The following SERPINB3 variants were observed in gnomAD, a reference collection of about 807,000 sequenced individuals.
SERPINB3 encodes the protein serpin B3.
In SERPINB3, 33 loss-of-function variants were observed where a neutral mutation model predicts 33.0. The ratio of observed to expected loss-of-function variants is 1.00; its 90% CI spans 0.76 to 1.34. SERPINB3 has a LOEUF of 1.34. Among genes scored for constraint, SERPINB3 ranks in the 40% most tolerant of loss-of-function variants. SERPINB3 has a pLI of 0.00. For missense variants in SERPINB3, 518 were observed against 461.5 expected (o/e 1.12, Z -1.12); for synonymous variants, 200 against 170.9 (o/e 1.17, Z -1.33).
At position 63,661,243 on chromosome 18, in the gene SERPINB3, C is replaced by A; in HGVS notation, c.-26-1G>T. ...GTGAACTCGATGTGATCTGGAACTC[C>A]TGGAAAAGCATCAGATTCCTGTCAG... On this transcript the variant is annotated splice_acceptor_variant, in intron 1 of 7. Coordinates refer to ENST00000283752, the MANE Select transcript of SERPINB3 (RefSeq NM_006919.3). LOFTEE classifies it low-confidence loss of function (5UTR_SPLICE). 6.2e-7 allele frequency: 1 copy of A among 1,603,304 alleles called. No homozygotes were observed. The highest frequency in any genetic ancestry group is 1.1e-5 in the South Asian group (1 of 88,808).
At chr18:63,661,333 G>A in intron 1 of SERPINB3, 91 bp from the exon 2 acceptor site, 2 of 1,382,526 alleles carry the variant, frequency 1.4e-6, no homozygotes, top group Non-Finnish European at 2.0e-6. Flanking sequence ...ATATATCTGT[G>A]TTGTGAGATT....
At position 63,655,922 on chromosome 18, in the gene SERPINB3, C is replaced by T. The variant is rs1279803915; in HGVS notation, c.908G>A (p.Gly303Glu). ...ATCCCCATTGAAGATATCCACCATT[C>T]CCATGGTTCTCAACGTGTCCTTGAG... ...YDLKDTLRTM[G>E]MVDIFNGDAD... is the part of the protein sequence containing the mutation. Residue 303 changes from glycine (G) to glutamate (E), a missense_variant, in exon 8 of 8, where the codon GGA becomes GAA. Gly to Glu is a moderately conservative substitution (Grantham distance 98). Coordinates refer to ENST00000283752, the MANE Select transcript of SERPINB3 (RefSeq NM_006919.3). 6.2e-6 allele frequency: 10 copies of T among 1,613,966 alleles called. No homozygotes were observed. Among genetic ancestry groups the T allele is most frequent in the Non-Finnish European group, 8.5e-6 (10 of 1,179,924 alleles).
Position 63,655,991 on chromosome 18 carries a change from A to G in SERPINB3, c.839T>C (p.Val280Ala), listed in dbSNP as rs748705325. The G allele has an allele frequency of 6.2e-7, 1 of 1,613,952 alleles. No individual in the cohort carries two copies. Among genetic ancestry groups the G allele is most frequent in the Non-Finnish European group, 8.5e-7 (1 of 1,179,936 alleles). ...TTTGAACCGAGGTAAGTGTAAATCG[A>G]CACGTGTCTCTCTCATATTCTGCAA... is the stretch of plus-strand genomic sequence containing the variant. ...TSLQNMRETR[V>A]DLHLPRFKVE... Residue 280 changes from valine to alanine, a missense_variant, in exon 8 of 8, where the codon GTC (valine) becomes GCC (alanine). Val to Ala is a moderately conservative substitution (Grantham distance 64). Coordinates refer to ENST00000283752, the MANE Select transcript of SERPINB3 (RefSeq NM_006919.3).
intron 7 of SERPINB3, among the ~76,000 whole-genome samples, chr18:63,656,384 T>G (rs1196556051): frequency 6.6e-6 from 1 of 152,204 alleles, no homozygotes; most frequent in Non-Finnish European, 1.5e-5. Context: ...ATATCACTAT[T>G]TCTTGTGCCA....
chr18:63,657,583 T>C (rs555203717), intron 5 of SERPINB3, among the ~76,000 whole-genome samples, 171 bp from the exon 6 acceptor site: 1 of 152,276 alleles, frequency 6.6e-6, no homozygotes, highest in South Asian at 2.1e-4. Context: ...GTTCACCAGA[T>C]GCAGCTTTCT....
Position 63,656,955 on chromosome 18 carries a change from T to C in SERPINB3, c.644A>G (p.Gln215Arg), listed in dbSNP as rs769060548. The C allele has an allele frequency of 6.2e-7, 1 of 1,612,950 alleles. No homozygotes were observed. The highest frequency in any genetic ancestry group is 8.5e-7 in the Non-Finnish European group (1 of 1,179,258). Residue 215 changes from glutamine (Q) to arginine (R), a missense_variant, in exon 7 of 8, where the codon CAA becomes CGA. Coordinates refer to ENST00000283752, the MANE Select transcript of SERPINB3 (RefSeq NM_006919.3). Reference protein sequence around the residue: ...NTYKSIQMMRQYTSFHFASLE... With the variant: ...NTYKSIQMMRRYTSFHFASLE... ...CGAGGCAAAATGAAAAGATGTGTAT[T>C]GCCTCATCATCTGTATGGACTTGTA...
chr18:63,659,652 C>T, intron 3 of SERPINB3, 125 bp from the exon 4 acceptor site: 1 of 1,298,424 alleles, frequency 7.7e-7, no homozygotes, highest in Non-Finnish European at 1.1e-6. Flanking sequence ...AGCTTATTCC[C>T]TGATACTTGG....
chr18:63,661,211 A>G lies in SERPINB3; in HGVS notation c.6T>C (p.Asn2=). 13 of 1,613,266 alleles carry G rather than the reference A, an allele frequency of 8.1e-6. No homozygotes were observed. The highest frequency in any genetic ancestry group is 1.1e-5 in the Non-Finnish European group (13 of 1,179,428). The part of the protein sequence containing the change: M[N]SLSEANTKFM... Reference sequence around the variant, plus strand: ...ACTTGGTGTTGGCTTCACTGAGTGAATTCATGGTGAACTCGATGTGATCTG... The same window carrying G: ...ACTTGGTGTTGGCTTCACTGAGTGAGTTCATGGTGAACTCGATGTGATCTG... The change falls in exon 2 of 8, where the codon AAT becomes AAC. Residue 2 remains asparagine (N), a synonymous_variant. Coordinates refer to ENST00000283752, the MANE Select transcript of SERPINB3 (RefSeq NM_006919.3).
rs774018461 is a variant in SERPINB3, at chr18:63,655,748, T to G, written c.1082A>C (p.Glu361Ala). 8.1e-6 allele frequency: 13 copies of G among 1,613,708 alleles called. No homozygotes were observed. The African/African-American group carries it at 1.7e-4, about 22-fold the overall frequency. ...GAAAGGGTGATTACAATGGAACTCT[T>G]CATTAGTTGAAGTAGGTGATGATCC... is the stretch of plus-strand genomic sequence containing the variant. Reference protein sequence around the residue: ...GFGSSPTSTNEEFHCNHPFLF... With the variant: ...GFGSSPTSTNAEFHCNHPFLF... Residue 361 changes from glutamate to alanine, a missense_variant, in exon 8 of 8, where the codon GAA (glutamate) becomes GCA (alanine). By Grantham distance (107) the Glu-to-Ala change is moderately radical. Transcript: ENST00000283752.
intron 4 of SERPINB3, chr18:63,659,187 A>G (rs1331936204): frequency 5.0e-6 from 3 of 595,154 alleles, no homozygotes; most frequent in Admixed American, 6.0e-5. Flanking sequence ...TTTTATTACA[A>G]GATTATCCCT....
intron 5 of SERPINB3, 125 bp from the exon 6 acceptor site, chr18:63,657,537 C>G (rs1173939125): frequency 2.6e-6 from 2 of 756,438 alleles, no homozygotes; most frequent in Non-Finnish European, 4.0e-6. Flanking sequence ...GACTCACTGA[C>G]TTTGATCTTT....
chr18:63,658,025 G>C (rs922433796), intron 5 of SERPINB3, among the ~76,000 whole-genome samples: 1 of 151,912 alleles, frequency 6.6e-6, no homozygotes, highest in Non-Finnish European at 1.5e-5. Flanking sequence ...ATGGGGAAGA[G>C]AGCTGTGATA....
Position 63,655,307 on chromosome 18 carries a change from T to A in SERPINB3, c.*350A>T, listed in dbSNP as rs1461960673. ...ATTCAAAGAAATGTGTGTTTCTAGGTTGCTAAATTCAAAGAAAAAGTATGA... is the reference window on the plus strand; with the variant it reads ...ATTCAAAGAAATGTGTGTTTCTAGGATGCTAAATTCAAAGAAAAAGTATGA... On this transcript the variant is annotated 3_prime_UTR_variant, in exon 8 of 8. Coordinates refer to ENST00000283752, the MANE Select transcript of SERPINB3 (RefSeq NM_006919.3). 5.5e-6 allele frequency: 1 copy of A among 182,750 alleles called. No individual in the cohort carries two copies. Among genetic ancestry groups the A allele is most frequent in the African/African-American group, 2.4e-5 (1 of 42,454 alleles). 11.3% of individuals were successfully genotyped at this position (182,750 alleles called of 1,614,324 possible).
chr18:63,658,057 A>G (rs1913545022), intron 5 of SERPINB3, among the ~76,000 whole-genome samples: 1 of 152,248 alleles, frequency 6.6e-6, no homozygotes, highest in Admixed American at 6.5e-5. Flanking sequence ...ACTTGTGGCT[A>G]GAGATGTGAT....
intron 5 of SERPINB3, 95 bp from the exon 6 acceptor site, chr18:63,657,507 T>G: frequency 9.3e-7 from 1 of 1,080,302 alleles, no homozygotes; most frequent in South Asian, 2.1e-5. Context: ...CGTTAATTAT[T>G]GACCCAAATC....
rs748276719 is a variant in SERPINB3, at chr18:63,661,258, A to T, written c.-26-16T>A. 8.2e-6 allele frequency: 13 copies of T among 1,591,374 alleles called. No homozygotes were observed. In the South Asian group the frequency reaches 1.3e-4, roughly 15 times the overall value. On this transcript the variant is annotated splice_polypyrimidine_tract_variant and intron_variant, in intron 1 of 7. Coordinates refer to ENST00000283752, the MANE Select transcript of SERPINB3 (RefSeq NM_006919.3). ...TCTGGAACTCCTGGAAAAGCATCAGATTCCTGTCAGAATGACTTTAATAAA... is the reference window on the plus strand; with the variant it reads ...TCTGGAACTCCTGGAAAAGCATCAGTTTCCTGTCAGAATGACTTTAATAAA...
intron 7 of SERPINB3, 48 bp from the exon 8 acceptor site, chr18:63,656,109 A>G: frequency 6.3e-7 from 1 of 1,578,790 alleles, no homozygotes; most frequent in Non-Finnish European, 8.6e-7. Flanking sequence ...GTTGATTTCT[A>G]ATACACCTTA....
In SERPINB3 at chr18:63,657,334, T is replaced by G. The variant is rs745328486; in HGVS notation, c.548A>C (p.Lys183Thr). 1.9e-6 allele frequency: 3 copies of G among 1,610,382 alleles called. No homozygotes were observed. The South Asian group carries it at 3.3e-5, about 18-fold the overall frequency. Residue 183 changes from lysine to threonine, a missense_variant, in exon 6 of 8, where the codon AAA becomes ACA. Lys to Thr is a moderately conservative substitution (Grantham distance 78). Transcript: ENST00000283752. ...ATTAAATTTCTTCTCCCACTGCCCT[T>G]TGAAATAGATTGCGTTCACAAGAAC... ...TLVLVNAIYF[K>T]GQWEKKFNKE...
chr18:63,660,624 A>T lies in SERPINB3; in HGVS notation c.222+176T>A, dbSNP rs751356328. 4 of 745,642 alleles carry T rather than the reference A, an allele frequency of 5.4e-6. No homozygotes were observed. The Admixed American group carries it at 7.3e-5, about 14-fold the overall frequency. 46.2% of individuals were successfully genotyped at this position (745,642 alleles called of 1,614,324 possible). Reference sequence around the variant, plus strand: ...CAGTGCTGACTGTCTTTCAGTAACGAAGAAAGGAGGAATAATAATTATGTG... The same window carrying T: ...CAGTGCTGACTGTCTTTCAGTAACGTAGAAAGGAGGAATAATAATTATGTG... On this transcript the variant is annotated intron_variant, in intron 3 of 7. Transcript: ENST00000283752.
Sources: gnomAD v4.1 joint callset for allele counts (sites outside exome capture counted in the v4.1 genomes callset) on GRCh38, gnomAD v4.1.1 for gene constraint, MANE v1.5 for transcripts, NCBI Gene and HGNC (gene_info 2026-07-23, HGNC 2026-07-21) for gene names.